The following TTLL7 variants were observed in gnomAD, a reference collection of about 807,000 sequenced individuals.
The protein encoded by TTLL7 is tubulin polyglutamylase TTLL7.
A neutral mutation model predicts 120.2 loss-of-function variants in TTLL7; 53 were observed. That is an observed-to-expected ratio of 0.44 (90% CI 0.35 to 0.55). TTLL7 has a LOEUF of 0.55. Ranked by LOEUF, TTLL7 falls within the 20% of genes least tolerant of loss-of-function variation. TTLL7 has a pLI of 0.00. For synonymous variants in TTLL7, 353 were observed against 351.7 expected, an observed-to-expected ratio of 1.00 and a Z score of -0.04; for missense variants, 803 against 1,054.7, an observed-to-expected ratio of 0.76 and a Z score of 3.31.
At chr1:83,945,338 T>C (rs939860035) in intron 6 of TTLL7, among the ~76,000 whole-genome samples, 3 of 152,112 alleles carry the variant, frequency 2.0e-5, no homozygotes, top group Non-Finnish European at 2.9e-5. Context: ...TAACCTGGAG[T>C]GGCAAAATTG....
At chr1:83,991,500 G>C (rs1206500983) in intron 1 of TTLL7, among the ~76,000 whole-genome samples, 1 of 152,008 alleles carries the variant, frequency 6.6e-6, no homozygotes, top group Non-Finnish European at 1.5e-5. Flanking sequence ...ATAAAAATTA[G>C]TTGGGCACGG....
intron 1 of TTLL7, among the ~76,000 whole-genome samples, chr1:83,991,714 G>C (rs1653019939): frequency 6.6e-6 from 1 of 151,868 alleles, no homozygotes; most frequent in Admixed American, 6.6e-5. Flanking sequence ...TTGCCTTTGT[G>C]GAATGCCTAC....
intron 18 of TTLL7, among the ~76,000 whole-genome samples, chr1:83,901,676 C>T (rs760839914): frequency 7.9e-5 from 12 of 151,914 alleles, no homozygotes; most frequent in Admixed American, 3.9e-4. Flanking sequence ...CTTTACTACA[C>T]CCTCCTCAAC....
chr1:83,984,666 A>G (rs2100620533), intron 1 of TTLL7, among the ~76,000 whole-genome samples: 1 of 152,280 alleles, frequency 6.6e-6, no homozygotes, highest in East Asian at 1.9e-4. Flanking sequence ...GCAAATTAAC[A>G]CAGGAACAGG....
At chr1:83,916,182 A>G (rs1053025191) in intron 14 of TTLL7, among the ~76,000 whole-genome samples, 2 of 152,210 alleles carry the variant, frequency 1.3e-5, no homozygotes, top group East Asian at 1.9e-4. Flanking sequence ...CTATAAAGAC[A>G]CATGCACACA....
At chr1:83,995,333 A>G (rs1653383880) in intron 1 of TTLL7, among the ~76,000 whole-genome samples, 2 of 151,436 alleles carry the variant, frequency 1.3e-5, no homozygotes. Context: ...GGGGGTGGGA[A>G]ATATTTGAAT....
At chr1:83,898,361 T>C (rs1453923012) in intron 18 of TTLL7, among the ~76,000 whole-genome samples, 3 of 152,008 alleles carry the variant, frequency 2.0e-5, no homozygotes, top group African/African-American at 7.2e-5. Flanking sequence ...TACATTCCCT[T>C]ATGATGTCTC....
At chr1:83,980,668 T>C (rs1240487910) in intron 1 of TTLL7, 1 of 152,076 alleles carries the variant, frequency 6.6e-6, no homozygotes, top group Non-Finnish European at 1.5e-5. Context: ...AAGAAAATGA[T>C]AAATCTGAGA....
chr1:83,919,833 G>T lies in TTLL7; in HGVS notation c.1366C>A (p.Arg456=). Residue 456 remains arginine (R), a splice_region_variant and synonymous_variant, in exon 13 of 21, where the codon CGA becomes AGA. Coordinates refer to ENST00000260505, the MANE Select transcript of TTLL7 (RefSeq NM_024686.6). ...HENRHMGNYR[R]IYPPEDKALL... Reference sequence around the variant, plus strand: ...GCTTTATCTTCAGGAGGATAAATTCGTCTACAACAAAATCAGATAAACCAA... The same window carrying T: ...GCTTTATCTTCAGGAGGATAAATTCTTCTACAACAAAATCAGATAAACCAA... The T allele has an allele frequency of 1.9e-6, 3 of 1,607,816 alleles. No individual in the cohort carries two copies. The highest frequency in any genetic ancestry group is 2.5e-6 in the Non-Finnish European group (3 of 1,177,840).
intron 20 of TTLL7, 156 bp downstream of exon 20, chr1:83,882,807 C>G: frequency 1.4e-6 from 1 of 729,730 alleles, no homozygotes; most frequent in Non-Finnish European, 2.2e-6. Context: ...AAATACTGTA[C>G]TAATTAAAAA....
At chr1:83,985,318 A>C (rs1352100535) in intron 1 of TTLL7, among the ~76,000 whole-genome samples, 3 of 152,222 alleles carry the variant, frequency 2.0e-5, no homozygotes, top group African/African-American at 7.2e-5. Flanking sequence ...AAGCAGAAGG[A>C]AGCATCCAAG....
intron 9 of TTLL7, among the ~76,000 whole-genome samples, chr1:83,931,388 T>A (rs1230718084): frequency 6.6e-6 from 1 of 151,828 alleles, no homozygotes; most frequent in Non-Finnish European, 1.5e-5. Context: ...CCACCCCTAC[T>A]TTATCTCTCT....
In TTLL7 at chr1:83,911,045, G is replaced by C. The variant is rs915758847; in HGVS notation, c.1786+120C>G. 6.1e-5 allele frequency: 46 copies of C among 759,768 alleles called. No homozygotes were observed. The Admixed American group carries it at 9.8e-4, about 16-fold the overall frequency. 47.1% of individuals were successfully genotyped at this position (759,768 alleles called of 1,614,324 possible). A position where few individuals can be genotyped will look rare whatever the true frequency, so the allele number is the denominator to read the frequency against. ...GTCTGGTTAGGGAAGGAAGTGGGAT[G>C]GAATCCAGGTCTCCTCACACACAAC... On this transcript the variant is annotated intron_variant, in intron 15 of 20. Transcript: ENST00000260505.
chr1:83,942,435 A>C (rs1190285358), intron 7 of TTLL7, 28 bp downstream of exon 7: 1 of 1,549,634 alleles, frequency 6.5e-7, no homozygotes. Flanking sequence ...AATGAATGAA[A>C]AGATAAGCTC....
At chr1:83,956,299 TA>T (rs1649507285) in intron 1 of TTLL7, among the ~76,000 whole-genome samples, 1 of 151,234 alleles carries the variant, frequency 6.6e-6, no homozygotes, top group Non-Finnish European at 1.5e-5. Flanking sequence ...TTTATTTATT[TA>T]TTATTTTAGA....
At chr1:83,988,214 A>G (rs1652659631) in intron 1 of TTLL7, among the ~76,000 whole-genome samples, 2 of 152,040 alleles carry the variant, frequency 1.3e-5, no homozygotes, top group Non-Finnish European at 2.9e-5. Context: ...AAGATATCTC[A>G]TTCTTTTTAT....
At chr1:83,873,171 G>C (rs1241034604) in intron 20 of TTLL7, among the ~76,000 whole-genome samples, 1 of 152,064 alleles carries the variant, frequency 6.6e-6, no homozygotes, top group Non-Finnish European at 1.5e-5. Context: ...AGCAGAAAAA[G>C]ATGAAACTTT....
intron 19 of TTLL7, among the ~76,000 whole-genome samples, chr1:83,889,261 A>G (rs1655238930): frequency 6.6e-6 from 1 of 152,110 alleles, no homozygotes; most frequent in Non-Finnish European, 1.5e-5. Context: ...CACTATCAAG[A>G]GAACAGCAGC....
At chr1:83,929,843 G>A (rs752897620) in intron 9 of TTLL7, among the ~76,000 whole-genome samples, 4 of 151,846 alleles carry the variant, frequency 2.6e-5, no homozygotes, top group Non-Finnish European at 5.9e-5. Flanking sequence ...CAGTTAAATC[G>A]GTTGGTTAGA....
Sources: gnomAD v4.1 joint callset for allele counts (sites outside exome capture counted in the v4.1 genomes callset) on GRCh38, gnomAD v4.1.1 for gene constraint, MANE v1.5 for transcripts, NCBI Gene and HGNC (gene_info 2026-07-23, HGNC 2026-07-21) for gene names.